Variants in SP100 observed in about 807,000 individuals in gnomAD.
SP100 encodes the protein SP100 nuclear body protein.
SP100 carries 84 observed loss-of-function variants against 130.0 expected under a neutral mutation model. That is an observed-to-expected ratio of 0.65 (90% CI 0.54 to 0.77). SP100 has a LOEUF of 0.77. Among genes scored for constraint, SP100 ranks in the 30% least tolerant of loss-of-function variants. The pLI, the probability that SP100 is intolerant of heterozygous loss-of-function variation, is 0.00. For synonymous variants in SP100, 331 were observed against 351.7 expected (o/e 0.94, Z 0.66); for missense variants, 978 against 1,052.2 (o/e 0.93, Z 0.97).
intron 2 of SP100, among the ~76,000 whole-genome samples, chr2:230,420,735 C>CATATAT (rs35528929): frequency 2.0e-5 from 3 of 150,184 alleles, no homozygotes; most frequent in Non-Finnish European, 3.0e-5. Context: ...CAAAGTAAAA[C>CATATAT]ATATATATAT....
intron 24 of SP100, among the ~76,000 whole-genome samples, chr2:230,530,404 C>T (rs1488646557): frequency 6.6e-6 from 1 of 152,188 alleles, no homozygotes; most frequent in Non-Finnish European, 1.5e-5. Flanking sequence ...TGGACACCTT[C>T]CTTACACCTT....
At chr2:230,460,402 A>G (rs2064525431) in intron 8 of SP100, among the ~76,000 whole-genome samples, 1 of 150,886 alleles carries the variant, frequency 6.6e-6, no homozygotes, top group African/African-American at 2.4e-5. Context: ...ATCTATATAT[A>G]TTGAGAGAGA....
At chr2:230,523,091 T>A (rs1166187003) in intron 24 of SP100, among the ~76,000 whole-genome samples, 1 of 152,010 alleles carries the variant, frequency 6.6e-6, no homozygotes, top group Non-Finnish European at 1.5e-5. Flanking sequence ...CTGGCCCCAG[T>A]GTTCTTTGGA....
At chr2:230,467,386 A>G (rs751567850) in intron 13 of SP100, among the ~76,000 whole-genome samples, 171 bp downstream of exon 13, 1 of 152,238 alleles carries the variant, frequency 6.6e-6, no homozygotes, top group Non-Finnish European at 1.5e-5. Flanking sequence ...CAGGCTTAAC[A>G]AGATGGTTGT....
chr2:230,528,800 C>G (rs1377430721), intron 24 of SP100, among the ~76,000 whole-genome samples: 1 of 152,206 alleles, frequency 6.6e-6, no homozygotes, highest in Non-Finnish European at 1.5e-5. Flanking sequence ...CTATAAATGC[C>G]TCTATGCAAA....
chr2:230,418,305 A>T (rs1319214446), intron 2 of SP100, among the ~76,000 whole-genome samples: 3 of 152,044 alleles, frequency 2.0e-5, no homozygotes, highest in Non-Finnish European at 4.4e-5. Flanking sequence ...TTAAAAATTG[A>T]TAGTGTTTAT....
intron 5 of SP100, 40 bp from the exon 6 acceptor site, chr2:230,449,048 C>T: frequency 1.6e-6 from 2 of 1,281,536 alleles, no homozygotes; most frequent in South Asian, 2.4e-5. Flanking sequence ...AAAATCCATA[C>T]CTCGATTTCT....
intron 24 of SP100, among the ~76,000 whole-genome samples, chr2:230,533,478 CT>C (rs889846881): frequency 2.9e-4 from 44 of 152,308 alleles, no homozygotes; most frequent in African/African-American, 9.4e-4. Context: ...CATAAATGTC[CT>C]CTTAACCAAT....
intron 8 of SP100, among the ~76,000 whole-genome samples, chr2:230,451,373 A>AT (rs2063976313): frequency 2.0e-5 from 3 of 152,162 alleles, no homozygotes; most frequent in Admixed American, 2.0e-4. Flanking sequence ...TTTAGTTTGC[A>AT]TTTTCTTGAT....
At chr2:230,476,851 C>CTTTGT (rs922548206) in intron 17 of SP100, among the ~76,000 whole-genome samples, 4 of 151,852 alleles carry the variant, frequency 2.6e-5, no homozygotes, top group African/African-American at 4.8e-5. Flanking sequence ...CTCTGTGTTT[C>CTTTGT]TTTGTTTTGT....
intron 24 of SP100, among the ~76,000 whole-genome samples, chr2:230,526,152 T>A (rs1333280397): frequency 6.6e-6 from 1 of 152,106 alleles, no homozygotes; most frequent in African/African-American, 2.4e-5. Context: ...CCCCTGCCAG[T>A]AGGGGCTCAC....
chr2:230,542,701 A>C, intron 28 of SP100, 135 bp from the exon 29 acceptor site: 1 of 524,790 alleles, frequency 1.9e-6, no homozygotes, highest in South Asian at 3.1e-5. Flanking sequence ...TTATCAAGGA[A>C]CATAAGCAAC....
rs150803671 is a variant in SP100 at position 230,464,810 on chromosome 2, T to C, written c.1141+660T>C. Among the ~76,000 whole-genome samples the C allele has an allele frequency of 1.8e-3, 275 of 152,314 alleles. 3 individuals are homozygous for C. Among genetic ancestry groups the C allele is most frequent in the African/African-American group, 6.1e-3 (254 of 41,582 alleles). On this transcript the variant is annotated intron_variant, in intron 11 of 28. Transcript: ENST00000340126. ...GCTAGTGGTGTTTAAGAGTCATTTATGACCAGGCGCAGTGGCTCACACCTA... is the reference window on the plus strand; with the variant it reads ...GCTAGTGGTGTTTAAGAGTCATTTACGACCAGGCGCAGTGGCTCACACCTA...
Position 230,506,439 on chromosome 2 carries a change from G to A in SP100, c.2007G>A (p.Leu669=). Residue 669 remains leucine, a synonymous_variant, in exon 22 of 29, where the codon CTG becomes CTA. Transcript: ENST00000340126. Reference sequence around the variant, plus strand: ...GCGGTGGATATACCCTGAAAGTCCTGATGGAGGTATTCTAGTGACAGATGG... The same window carrying A: ...GCGGTGGATATACCCTGAAAGTCCTAATGGAGGTATTCTAGTGACAGATGG... ...IRCGGYTLKV[L]MENKFLPEPP... is the part of the protein sequence containing the mutation. 1 of 1,613,802 alleles carries A rather than the reference G, an allele frequency of 6.2e-7. No individual in the cohort carries two copies. Among genetic ancestry groups the A allele is most frequent in the Non-Finnish European group, 8.5e-7 (1 of 1,179,758 alleles).
chr2:230,514,958 G>T, intron 24 of SP100: 1 of 1,435,352 alleles, frequency 7.0e-7, no homozygotes, highest in Non-Finnish European at 9.3e-7. Context: ...AGATAGTGCT[G>T]GCGCAAGTGA....
chr2:230,416,694 C>A, intron 1 of SP100: 1 of 996,626 alleles, frequency 1.0e-6, no homozygotes, highest in Non-Finnish European at 1.2e-6. Context: ...TATGTCATGT[C>A]AAAAAAGGTG....
intron 17 of SP100, among the ~76,000 whole-genome samples, chr2:230,487,584 A>G (rs1433907078): frequency 6.6e-6 from 1 of 152,196 alleles, no homozygotes; most frequent in Non-Finnish European, 1.5e-5. Flanking sequence ...GTAGCCTTGT[A>G]GTATAATTTG....
At chr2:230,524,196 A>AAG (rs1553645477) in intron 24 of SP100, among the ~76,000 whole-genome samples, 24 of 110,326 alleles carry the variant, frequency 2.2e-4, no homozygotes, top group African/African-American at 6.0e-4. Flanking sequence ...AAAAAAAAAA[A>AAG]AAAAAGAAAA....
intron 19 of SP100, among the ~76,000 whole-genome samples, chr2:230,499,792 T>G (rs2066913172): frequency 1.3e-5 from 2 of 151,786 alleles, no homozygotes; most frequent in Admixed American, 6.6e-5. Context: ...AGTCTGAGAG[T>G]CTCTCATTCC....
Sources: allele counts gnomAD v4.1 joint callset (sites outside exome capture counted in the v4.1 genomes callset), GRCh38; gene constraint gnomAD v4.1.1; transcripts MANE v1.5; gene names NCBI Gene and HGNC (gene_info 2026-07-23, HGNC 2026-07-21).